CHCHD3: variants seen among roughly 807,000 people sequenced by gnomAD.
CHCHD3 encodes the protein MICOS complex subunit MIC19.
Under a neutral mutation model 38.2 loss-of-function variants are expected in CHCHD3, and 20 were observed. The observed-to-expected ratio is 0.52, with a 90% confidence interval of 0.37 to 0.76. CHCHD3 has a LOEUF of 0.76. Ranked by LOEUF, CHCHD3 falls within the 30% of genes least tolerant of loss-of-function variation. The pLI is 0.00. For synonymous variants in CHCHD3, 82 were observed against 100.0 expected, an observed-to-expected ratio of 0.82 and a Z score of 1.07; for missense variants, 245 against 279.2, an observed-to-expected ratio of 0.88 and a Z score of 0.87.
At chr7:133,071,494 G>A (rs1216709147) in intron 1 of CHCHD3, among the ~76,000 whole-genome samples, 1 of 152,120 alleles carries the variant, frequency 6.6e-6, no homozygotes, top group Non-Finnish European at 1.5e-5. Flanking sequence ...TTTAAGCAGG[G>A]GAATGGCACG....
intron 4 of CHCHD3, among the ~76,000 whole-genome samples, chr7:132,933,942 C>T (rs927568539): frequency 6.6e-5 from 10 of 152,206 alleles, no homozygotes; most frequent in Non-Finnish European, 2.9e-5. Context: ...GTCAAAGGTA[C>T]AGAAGAAGTT....
chr7:132,931,594 C>CCGTATA (rs1810516879), intron 4 of CHCHD3, among the ~76,000 whole-genome samples: 1 of 152,122 alleles, frequency 6.6e-6, no homozygotes, highest in Non-Finnish European at 1.5e-5. Context: ...TAATTTTAGG[C>CCGTATA]ATTAATGTGG....
At chr7:132,924,224 T>C (rs1424017845) in intron 4 of CHCHD3, among the ~76,000 whole-genome samples, 2 of 152,152 alleles carry the variant, frequency 1.3e-5, no homozygotes, top group Non-Finnish European at 2.9e-5. Context: ...TAGTGAAATA[T>C]GAAATGCATC....
chr7:132,797,049 C>T (rs1806637890), intron 6 of CHCHD3, among the ~76,000 whole-genome samples: 1 of 152,180 alleles, frequency 6.6e-6, no homozygotes, highest in South Asian at 2.1e-4. Flanking sequence ...CCCTCTACTC[C>T]TGCCTGCACA....
At position 133,069,485 on chromosome 7, in the gene CHCHD3, C is replaced by T. The variant is rs370482034; in HGVS notation, c.169+657G>A. On this transcript the variant is annotated intron_variant, in intron 2 of 7. Coordinates refer to ENST00000262570, the MANE Select transcript of CHCHD3 (RefSeq NM_017812.4). ...CTTGTTGCCATTTCACAATAAATAG[C>T]GTATCTATCCATCAACTGGGCAGTA... Among the ~76,000 whole-genome samples, 32 of 152,186 alleles carry T rather than the reference C, an allele frequency of 2.1e-4. 1 individual carries two copies. In the East Asian group the frequency reaches 5.0e-3, roughly 24 times the overall value.
At chr7:132,817,177 G>T (rs971263995) in intron 6 of CHCHD3, among the ~76,000 whole-genome samples, 11 of 151,546 alleles carry the variant, frequency 7.3e-5, no homozygotes, top group African/African-American at 2.7e-4. Flanking sequence ...AAAGATTCAT[G>T]TAATTTTCCT....
chr7:133,065,670 TC>T (rs1349145955), intron 2 of CHCHD3, among the ~76,000 whole-genome samples: 3 of 152,182 alleles, frequency 2.0e-5, no homozygotes, highest in African/African-American at 7.2e-5. Flanking sequence ...TCATAACACA[TC>T]TAAATTTTAA....
rs1332036592 is a variant in CHCHD3, at chr7:132,859,595, G to A, written c.454-21126C>T. Among the ~76,000 whole-genome samples the A allele has an allele frequency of 2.0e-5, 3 of 152,262 alleles. 1 individual carries two copies. Among genetic ancestry groups the A allele is most frequent in the Middle Eastern group, 6.8e-3 (2 of 294 alleles). ...GCCAGAGACTTTGTTTGTAGAAGAC[G>A]CTCTTAATAATCTTTGGCTTTTGTC... On this transcript the variant is annotated intron_variant, in intron 5 of 7. Transcript: ENST00000262570.
chr7:132,916,625 G>A (rs1263593385), intron 4 of CHCHD3, among the ~76,000 whole-genome samples: 1 of 152,138 alleles, frequency 6.6e-6, no homozygotes, highest in African/African-American at 2.4e-5. Flanking sequence ...CTGTCACTCA[G>A]GTTGGAATGC....
chr7:133,001,276 C>T (rs567642731), intron 3 of CHCHD3, among the ~76,000 whole-genome samples: 2 of 152,242 alleles, frequency 1.3e-5, no homozygotes, highest in African/African-American at 2.4e-5. Context: ...GCTAACCCTC[C>T]GGATCTCCTT....
At chr7:132,799,573 G>T (rs537227223) in intron 6 of CHCHD3, among the ~76,000 whole-genome samples, 63 of 152,262 alleles carry the variant, frequency 4.1e-4, no homozygotes, top group African/African-American at 1.3e-3. Flanking sequence ...AAGAGGCAAA[G>T]AAATGGTGAA....
intron 5 of CHCHD3, among the ~76,000 whole-genome samples, chr7:132,844,694 A>C (rs1808030644): frequency 6.6e-6 from 1 of 152,214 alleles, no homozygotes; most frequent in African/African-American, 2.4e-5. Flanking sequence ...TTTAAAGTAG[A>C]ATGACAGTAC....
chr7:133,078,000 G>C (rs1232870380), intron 1 of CHCHD3, among the ~76,000 whole-genome samples: 1 of 152,096 alleles, frequency 6.6e-6, no homozygotes, highest in Non-Finnish European at 1.5e-5. Flanking sequence ...CAACAATATA[G>C]AGAAACACAA....
chr7:132,986,390 G>C (rs1351514000), intron 3 of CHCHD3, among the ~76,000 whole-genome samples: 1 of 92,248 alleles, frequency 1.1e-5, no homozygotes, highest in African/African-American at 4.2e-5. Context: ...ACCCAAGAAT[G>C]ATCAATAAAA....
intron 3 of CHCHD3, among the ~76,000 whole-genome samples, chr7:133,019,652 A>C (rs1431684101): frequency 6.6e-6 from 1 of 152,202 alleles, no homozygotes; most frequent in Admixed American, 6.5e-5. Context: ...GCGAGCAAGT[A>C]ATCTTGGTTG....
chr7:132,877,303 A>G (rs1808936964), intron 5 of CHCHD3, among the ~76,000 whole-genome samples: 1 of 152,194 alleles, frequency 6.6e-6, no homozygotes, highest in South Asian at 2.1e-4. Flanking sequence ...TTGTTGAATA[A>G]TGAATTAAGG....
chr7:133,059,509 G>A (rs779052027), intron 2 of CHCHD3, among the ~76,000 whole-genome samples: 1 of 152,028 alleles, frequency 6.6e-6, no homozygotes. Context: ...AACTTGTCAA[G>A]TCTACACAGA....
intron 4 of CHCHD3, among the ~76,000 whole-genome samples, chr7:132,967,400 G>A (rs1811493001): frequency 6.6e-6 from 1 of 151,984 alleles, no homozygotes; most frequent in Admixed American, 6.6e-5. Flanking sequence ...GAGTTCTCCA[G>A]GACCAGAACA....
chr7:132,973,652 G>GACCC, intron 4 of CHCHD3: 2 of 1,019,826 alleles, frequency 2.0e-6, no homozygotes, highest in Non-Finnish European at 2.4e-6. Context: ...ATGCAACCGG[G>GACCC]ACCCCAGATT....
Sources: allele counts gnomAD v4.1 joint callset (sites outside exome capture counted in the v4.1 genomes callset), GRCh38; gene constraint gnomAD v4.1.1; transcripts MANE v1.5; gene names NCBI Gene and HGNC (gene_info 2026-07-23, HGNC 2026-07-21).